Variants in MBNL2 observed in about 807,000 individuals in gnomAD.
The protein encoded by MBNL2 is muscleblind-like protein 2.
MBNL2 carries 17 observed loss-of-function variants against 41.9 expected under a neutral mutation model. The observed-to-expected ratio is 0.41, with a 90% CI of 0.28 to 0.61. The LOEUF is 0.61. MBNL2 is among the 20% of genes least tolerant of loss of function. The probability of loss-of-function intolerance (pLI) is 0.35; values close to 1 mark genes in which losing one functional copy is unlikely to be tolerated. For missense variants in MBNL2, 336 were observed against 505.6 expected (o/e 0.66, Z 3.22); for synonymous variants, 195 against 182.9 (o/e 1.07, Z -0.53).
At chr13:97,304,691 G>T (rs948403386) in intron 2 of MBNL2, among the ~76,000 whole-genome samples, 12 of 152,088 alleles carry the variant, frequency 7.9e-5, no homozygotes, top group African/African-American at 2.9e-4. Flanking sequence ...TCATAGAATT[G>T]TTATAAAAAT....
chr13:97,238,731 A>T (rs572642808), intron 1 of MBNL2, among the ~76,000 whole-genome samples: 1 of 151,962 alleles, frequency 6.6e-6, no homozygotes, highest in African/African-American at 2.4e-5. Flanking sequence ...GGCGGTGAGC[A>T]GAGAAGAGGC....
intron 1 of MBNL2, among the ~76,000 whole-genome samples, chr13:97,236,435 A>G (rs1251637434): frequency 1.3e-5 from 2 of 150,858 alleles, no homozygotes; most frequent in African/African-American, 4.9e-5. Context: ...CTAATATTTT[A>G]TTTCTTCATC....
the MBNL2 span, among the ~76,000 whole-genome samples, chr13:97,182,344 T>A: frequency 8.8e-3 from 1,346 of 152,364 alleles, 15 homozygotes; most frequent in African/African-American, 0.016. Context: ...CAGTTAGCAC[T>A]GGTGACAGAT....
At chr13:97,197,387 G>A in the MBNL2 span, among the ~76,000 whole-genome samples, 3 of 151,974 alleles carry the variant, frequency 2.0e-5, 1 homozygote, top group Non-Finnish European at 4.4e-5. Context: ...AATGATTTCT[G>A]GTTCCTAGTT....
At chr13:97,283,748 A>G (rs187313659) in intron 2 of MBNL2, among the ~76,000 whole-genome samples, 28 of 152,338 alleles carry the variant, frequency 1.8e-4, no homozygotes, top group African/African-American at 6.5e-4. Context: ...TTACTTTACA[A>G]ATTTTCCCAG....
At chr13:97,201,113 T>C in the MBNL2 span, among the ~76,000 whole-genome samples, 235 of 152,280 alleles carry the variant, frequency 1.5e-3, 1 homozygote, top group Middle Eastern at 3.4e-3. Context: ...AGCCACTTCT[T>C]CTTTGGAGCC....
intron 2 of MBNL2, among the ~76,000 whole-genome samples, chr13:97,312,335 T>C (rs1019323520): frequency 2.0e-5 from 3 of 152,282 alleles, no homozygotes; most frequent in African/African-American, 7.2e-5. Context: ...GTTTCTCTTC[T>C]ACTTGCAGCA....
the MBNL2 span, among the ~76,000 whole-genome samples, chr13:97,178,557 A>T: frequency 2.0e-5 from 3 of 152,218 alleles, no homozygotes; most frequent in Non-Finnish European, 2.9e-5. Flanking sequence ...CATCTTTCAT[A>T]GCAGAGAGAA....
intron 1 of MBNL2, among the ~76,000 whole-genome samples, chr13:97,237,858 G>C (rs2043575697): frequency 6.6e-6 from 1 of 152,184 alleles, no homozygotes; most frequent in Non-Finnish European, 1.5e-5. Flanking sequence ...GTTTAGACCT[G>C]AGAATTGCAG....
the MBNL2 span, among the ~76,000 whole-genome samples, chr13:97,160,118 A>G: frequency 6.6e-6 from 1 of 152,284 alleles, no homozygotes; most frequent in South Asian, 2.1e-4. Context: ...TGAAAAAAGT[A>G]ATTTTCTTAT....
At chr13:97,209,573 G>A in the MBNL2 span, among the ~76,000 whole-genome samples, 1 of 152,152 alleles carries the variant, frequency 6.6e-6, no homozygotes, top group African/African-American at 2.4e-5. Flanking sequence ...AGATAAATTA[G>A]TTAGCCCCTT....
chr13:97,159,814 C>T, the MBNL2 span, among the ~76,000 whole-genome samples: 17 of 151,738 alleles, frequency 1.1e-4, no homozygotes, highest in African/African-American at 3.9e-4. Flanking sequence ...ACCTTTCTCT[C>T]TGGCTGCCCT....
At chr13:97,272,961 A>G (rs977878458) in intron 1 of MBNL2, among the ~76,000 whole-genome samples, 1 of 152,200 alleles carries the variant, frequency 6.6e-6, no homozygotes, top group African/African-American at 2.4e-5. Flanking sequence ...TTCCAGGGGG[A>G]ATGAAAAAGG....
chr13:97,245,553 T>TG (rs2045301990), intron 1 of MBNL2, among the ~76,000 whole-genome samples: 1 of 152,130 alleles, frequency 6.6e-6, no homozygotes, highest in Non-Finnish European at 1.5e-5. Flanking sequence ...TCTGCAAGGG[T>TG]GGTAGGCATT....
chr13:97,177,894 A>G, the MBNL2 span, among the ~76,000 whole-genome samples: 3 of 152,196 alleles, frequency 2.0e-5, no homozygotes, highest in African/African-American at 7.2e-5. Flanking sequence ...TTGTGGTAGA[A>G]AATGATTTTC....
upstream of MBNL2, chr13:97,222,318 A>G (rs1451769245): frequency 1.0e-5 from 4 of 398,264 alleles, no homozygotes; most frequent in African/African-American, 2.1e-5. Flanking sequence ...GCTGCAGCTT[A>G]CAGCAACAGA....
chr13:97,242,784 C>A (rs983758705), intron 1 of MBNL2, among the ~76,000 whole-genome samples: 1 of 151,610 alleles, frequency 6.6e-6, no homozygotes, highest in African/African-American at 2.4e-5. Context: ...TTTTTTCCCC[C>A]CTCCTGTACG....
rs2042511868 is a variant in MBNL2, at chr13:97,232,427, C to G, written c.-605+9896C>G. On this transcript the variant is annotated intron_variant, in intron 1 of 8. Coordinates refer to ENST00000679496, the MANE Select transcript of MBNL2 (RefSeq NM_001382683.1). ...TAACATTTATTGAATTTATTGAGCA[C>G]TTACTATATGGAAAGTCCTCCTCTG... 3.3e-5 allele frequency among the ~76,000 whole-genome samples: 5 copies of G among 152,288 alleles called. No individual in the cohort carries two copies. In the South Asian group the frequency reaches 1.0e-3, roughly 32 times the overall value.
chr13:97,290,095 TCCCAAA>T (rs2055518512), intron 2 of MBNL2, among the ~76,000 whole-genome samples: 1 of 152,186 alleles, frequency 6.6e-6, no homozygotes, highest in Non-Finnish European at 1.5e-5. Flanking sequence ...CTCATGGAGT[TCCCAAA>T]CCAGTTCTGG....
Sources: allele counts gnomAD v4.1 joint callset (sites outside exome capture counted in the v4.1 genomes callset), GRCh38; gene constraint gnomAD v4.1.1; transcripts MANE v1.5; gene names NCBI Gene and HGNC (gene_info 2026-07-23, HGNC 2026-07-21).